Variants in DIAPH2 observed in about 807,000 individuals in gnomAD.
DIAPH2 encodes the protein diaphanous related formin 2.
In DIAPH2, 35 loss-of-function variants were observed where a neutral mutation model predicts 92.7. That is an observed-to-expected ratio of 0.38 (90% confidence interval 0.29 to 0.50). The LOEUF (loss-of-function observed/expected upper bound fraction) is 0.50, where lower values mean the gene tolerates loss of function less well. Ranked by LOEUF, DIAPH2 falls within the 20% of genes least tolerant of loss-of-function variation. The pLI is 0.94. For missense variants in DIAPH2, 701 were observed against 819.5 expected, an observed-to-expected ratio of 0.86 and a Z score of 1.77; for synonymous variants, 301 against 280.4, an observed-to-expected ratio of 1.07 and a Z score of -0.73.
At chrX:96,792,686 T>C (rs1429980396) in intron 4 of DIAPH2, among the ~76,000 whole-genome samples, 1 of 112,109 alleles carries the variant, frequency 8.9e-6, no homozygotes, top group Non-Finnish European at 1.9e-5. Flanking sequence ...GGATACTTTT[T>C]CTATCAGATT....
At chrX:97,544,012 G>A (rs1460034948) in intron 26 of DIAPH2, among the ~76,000 whole-genome samples, 1 of 111,911 alleles carries the variant, frequency 8.9e-6, no homozygotes, top group African/African-American at 3.2e-5. Context: ...TAAATAGATC[G>A]TTTGATGCTT....
At chrX:97,007,795 C>T (rs1602710018) in intron 17 of DIAPH2, among the ~76,000 whole-genome samples, 1 of 84,635 alleles carries the variant, frequency 1.2e-5, no homozygotes, top group South Asian at 6.4e-4. Flanking sequence ...TGGAGTCTTG[C>T]TCTGTCACCC....
intron 17 of DIAPH2, among the ~76,000 whole-genome samples, chrX:96,971,425 TGTGTATGTGTGTGTGTGTGGGTGTGG>T (rs2065926851): frequency 9.0e-6 from 1 of 111,200 alleles, no homozygotes; most frequent in Non-Finnish European, 1.9e-5. Flanking sequence ...TCTGTGTGTG[TGTGTATGTGTGTGTGTGTGGGTGTGG>T]GTGTATGTGT....
intron 23 of DIAPH2, among the ~76,000 whole-genome samples, chrX:97,280,690 A>G (rs970523653): frequency 5.4e-5 from 6 of 111,109 alleles, no homozygotes; most frequent in Non-Finnish European, 7.5e-5. Flanking sequence ...TTGGAATCAT[A>G]TAGTTTTGAT....
At chrX:97,040,166 C>T (rs761374857) in intron 17 of DIAPH2, among the ~76,000 whole-genome samples, 1 of 107,500 alleles carries the variant, frequency 9.3e-6, no homozygotes, top group East Asian at 2.9e-4. Flanking sequence ...AAGTAACCTA[C>T]CCTTGAGGGT....
chrX:97,541,502 G>C (rs963791011), intron 26 of DIAPH2, among the ~76,000 whole-genome samples: 5 of 111,966 alleles, frequency 4.5e-5, no homozygotes, highest in African/African-American at 1.6e-4. Flanking sequence ...ATCACATATG[G>C]TGTGCAAAAG....
chrX:96,827,037 AAC>A (rs778667805), intron 4 of DIAPH2, among the ~76,000 whole-genome samples: 116 of 112,858 alleles, frequency 1.0e-3, no homozygotes, highest in African/African-American at 3.3e-3. Context: ...AAACATTTGA[AAC>A]ACAATTATTT....
intron 21 of DIAPH2, among the ~76,000 whole-genome samples, chrX:97,140,883 A>G (rs981286503): frequency 1.8e-5 from 2 of 111,768 alleles, no homozygotes; most frequent in Admixed American, 1.9e-4. Context: ...TAGAATTATA[A>G]CATCCAATAG....
chrX:96,808,901 C>T (rs2064651139), intron 4 of DIAPH2, among the ~76,000 whole-genome samples: 1 of 111,554 alleles, frequency 9.0e-6, no homozygotes, highest in South Asian at 3.7e-4. Flanking sequence ...TTTTTCTCCA[C>T]TCGGAAATGC....
chrX:97,463,587 C>T (rs1288361558), intron 26 of DIAPH2, among the ~76,000 whole-genome samples: 2 of 109,980 alleles, frequency 1.8e-5, no homozygotes, highest in South Asian at 8.1e-4. Context: ...GACAGGGTTT[C>T]ACCATGTTGG....
chrX:96,814,561 T>C (rs2064715365), intron 4 of DIAPH2, among the ~76,000 whole-genome samples: 2 of 112,272 alleles, frequency 1.8e-5, no homozygotes, highest in Admixed American at 1.9e-4. Context: ...TCCAGTTTTG[T>C]TCCGTTGCTG....
intron 26 of DIAPH2, among the ~76,000 whole-genome samples, chrX:97,536,975 CAT>C (rs1316077371): frequency 8.9e-6 from 1 of 111,774 alleles, no homozygotes; most frequent in East Asian, 2.8e-4. Context: ...AGGAAGCAAA[CAT>C]ATATATTCAC....
At chrX:97,357,248 A>G (rs773109364) in intron 24 of DIAPH2, among the ~76,000 whole-genome samples, 2 of 111,934 alleles carry the variant, frequency 1.8e-5, no homozygotes, top group African/African-American at 3.3e-5. Context: ...GCCTGTTTCA[A>G]CCTAAGCATG....
chrX:96,707,845 C>T lies in DIAPH2; in HGVS notation c.132+22655C>T, dbSNP rs769727617. On this transcript the variant is annotated intron_variant, in intron 1 of 26. Transcript: ENST00000324765. ...TTTGCTCTGTGAGTATTCTTTAGTT[C>T]TGCGGATGCTAGGAGCATGCTGTAT... 4.5e-5 allele frequency among the ~76,000 whole-genome samples: 5 copies of T among 111,544 alleles called. No homozygotes were observed. The East Asian group carries it at 1.1e-3, about 25-fold the overall frequency.
intron 23 of DIAPH2, among the ~76,000 whole-genome samples, chrX:97,276,362 T>G (rs1451782768): frequency 2.7e-5 from 3 of 111,912 alleles, no homozygotes; most frequent in Non-Finnish European, 5.6e-5. Context: ...AGTTCATTCC[T>G]AAAACTATAT....
chrX:97,053,379 A>T (rs2066534235), intron 17 of DIAPH2, among the ~76,000 whole-genome samples: 2 of 111,551 alleles, frequency 1.8e-5, no homozygotes, highest in South Asian at 7.6e-4. Flanking sequence ...TTCTCTTCAC[A>T]GGTAGTTGAT....
chrX:97,004,432 C>T (rs1275129624), intron 17 of DIAPH2, among the ~76,000 whole-genome samples: 1 of 111,559 alleles, frequency 9.0e-6, no homozygotes, highest in African/African-American at 3.3e-5. Context: ...TCTTCCAATC[C>T]ATCAACATGG....
Position 96,930,781 on chromosome X carries a change from C to G in DIAPH2, c.1027C>G (p.Leu343Val). The G allele has an allele frequency of 2.5e-6, 3 of 1,203,559 alleles. No individual in the cohort carries two copies. The highest frequency in any genetic ancestry group is 3.4e-6 in the Non-Finnish European group (3 of 892,075). ...INALVTSPYE[L>V]DFRIHLRNEF... is the part of the protein sequence containing the mutation. ...TGCCCTTGTCACTTCTCCTTATGAG[C>G]TTGATTTTCGAATACATTTAAGGAA... Residue 343 changes from leucine to valine, a missense_variant, in exon 10 of 27, where the codon CTT becomes GTT. Leu to Val is a conservative substitution (Grantham distance 32, BLOSUM62 1). This residue lies in a region of DIAPH2 where 536 missense variants were observed against 599.3 expected (regional missense o/e 0.89). Transcript: ENST00000324765.
chrX:97,327,389 G>A (rs929674083), intron 23 of DIAPH2, among the ~76,000 whole-genome samples: 3 of 109,181 alleles, frequency 2.7e-5, no homozygotes, highest in Non-Finnish European at 5.7e-5. Context: ...ATGAGCTACC[G>A]CGCCCGGCCT....
Sources: gnomAD v4.1 joint callset for allele counts (sites outside exome capture counted in the v4.1 genomes callset) on GRCh38, gnomAD v4.1.1 for gene constraint, gnomAD v4.1.1 regional missense constraint, MANE v1.5 for transcripts, NCBI Gene and HGNC (gene_info 2026-07-23, HGNC 2026-07-21) for gene names.